The following RMDN2 variants were observed in gnomAD, a reference collection of about 807,000 sequenced individuals.
RMDN2 encodes the protein regulator of microtubule dynamics protein 2.
RMDN2 carries 61 observed loss-of-function variants against 52.8 expected under a neutral mutation model. The ratio of observed to expected loss-of-function variants is 1.16; its 90% confidence interval spans 0.94 to 1.43. The LOEUF is 1.43. Among genes scored for constraint, RMDN2 ranks in the 40% most tolerant of loss-of-function variants. The pLI is 0.00. For missense variants in RMDN2, 592 were observed against 475.3 expected, an observed-to-expected ratio of 1.25 and a Z score of -2.28; for synonymous variants, 180 against 153.1, an observed-to-expected ratio of 1.18 and a Z score of -1.30.
At chr2:38,061,600 C>G (rs1682052708) in intron 10 of RMDN2, among the ~76,000 whole-genome samples, 1 of 151,640 alleles carries the variant, frequency 6.6e-6, no homozygotes, top group East Asian at 2.0e-4. Context: ...GCTTCCCTGA[C>G]TACTCATTCT....
Position 38,039,047 on chromosome 2 carries a change from TACACACACACACACAC to T in RMDN2, c.1714-27903_1714-27888del, listed in dbSNP as rs71414270. Among the ~76,000 whole-genome samples, 812 of 127,344 alleles carry T rather than the reference TACACACACACACACAC, an allele frequency of 6.4e-3. 34 individuals are homozygous for T. The East Asian group carries it at 0.11, about 17-fold the overall frequency. The allele number at this position is 127,344 out of a possible 152,430, so 83.5% of individuals were successfully genotyped here. On this transcript the variant is annotated intron_variant, in intron 10 of 10. Coordinates refer to the RMDN2 transcript ENST00000234195. ...GCAACAGTTTAAAAGCCAGATGCTA[TACACACACACACACAC>T]ACACACACACACACACACACACACA...
At chr2:37,930,900 G>A (rs1666681061) in intron 2 of RMDN2, among the ~76,000 whole-genome samples, 1 of 152,170 alleles carries the variant, frequency 6.6e-6, no homozygotes, top group Non-Finnish European at 1.5e-5. Flanking sequence ...GAGGACAAAG[G>A]GGCACAGTGG....
chr2:38,022,523 A>G (rs1679468683), downstream of RMDN2, among the ~76,000 whole-genome samples: 1 of 152,248 alleles, frequency 6.6e-6, no homozygotes, highest in South Asian at 2.1e-4. Flanking sequence ...TTCGTGTACA[A>G]CTTTGGAAAG....
At chr2:38,009,019 G>A (rs1345216421) in intron 10 of RMDN2, among the ~76,000 whole-genome samples, 1 of 152,206 alleles carries the variant, frequency 6.6e-6, no homozygotes, top group Non-Finnish European at 1.5e-5. Flanking sequence ...CTTTAAGAAT[G>A]TGGAATATTG....
intron 10 of RMDN2, among the ~76,000 whole-genome samples, chr2:38,059,941 A>C (rs1681976516): frequency 6.6e-6 from 1 of 152,012 alleles, no homozygotes; most frequent in Admixed American, 6.6e-5. Flanking sequence ...TCTGTCACCC[A>C]GGCTGGAGTG....
At chr2:37,985,056 T>C (rs1437538064) in intron 5 of RMDN2, among the ~76,000 whole-genome samples, 1 of 152,142 alleles carries the variant, frequency 6.6e-6, no homozygotes, top group African/African-American at 2.4e-5. Flanking sequence ...AATGTAACTC[T>C]AGGGGCAGAT....
In RMDN2 at chr2:37,952,484, C is replaced by G. The variant is rs150299738; in HGVS notation, c.453-21556C>G. ...GGGCTAATCTCAGATTTCTGAGTGA[C>G]TATTATAATACTTTTGTGGTCTGAA... On this transcript the variant is annotated intron_variant, in intron 2 of 10. Transcript: ENST00000354545. 7 of 474,812 alleles carry G rather than the reference C, an allele frequency of 1.5e-5. No homozygotes were observed. In the East Asian group the frequency reaches 2.1e-4, roughly 14 times the overall value. The allele number at this position is 474,812 out of a possible 1,614,324, so 29.4% of individuals were successfully genotyped here.
intron 10 of RMDN2, among the ~76,000 whole-genome samples, chr2:38,037,218 G>A (rs111348325): frequency 4.7e-4 from 72 of 152,262 alleles, no homozygotes; most frequent in African/African-American, 1.7e-3. Context: ...ATTTTGTAAG[G>A]AAGATCAAAT....
chr2:37,999,395 C>G (rs1676011878), intron 8 of RMDN2, among the ~76,000 whole-genome samples: 1 of 152,090 alleles, frequency 6.6e-6, no homozygotes, highest in African/African-American at 2.4e-5. Context: ...CCAGTAAGTC[C>G]TCAGCAAAAA....
intron 10 of RMDN2, among the ~76,000 whole-genome samples, chr2:38,047,089 T>A (rs773306676): frequency 1.3e-5 from 2 of 152,010 alleles, no homozygotes; most frequent in Non-Finnish European, 2.9e-5. Context: ...CCAACAAAGC[T>A]GTCCTTCAAA....
intron 2 of RMDN2, among the ~76,000 whole-genome samples, chr2:37,954,957 T>G (rs971514395): frequency 2.0e-5 from 3 of 152,184 alleles, no homozygotes; most frequent in African/African-American, 7.2e-5. Context: ...TTTGATGCAA[T>G]TATAAGTGAA....
chr2:37,924,317 C>G (rs1001278442), upstream of RMDN2, among the ~76,000 whole-genome samples: 1 of 152,310 alleles, frequency 6.6e-6, no homozygotes, highest in Admixed American at 6.5e-5. Context: ...GTTATGCAAA[C>G]CTAAGCTTGA....
intron 5 of RMDN2, among the ~76,000 whole-genome samples, chr2:37,981,759 T>C (rs1178960091): frequency 1.3e-5 from 2 of 152,186 alleles, no homozygotes; most frequent in African/African-American, 4.8e-5. Context: ...AAAAGCCATT[T>C]ATGATATTAA....
intron 10 of RMDN2, chr2:38,028,314 C>T (rs1254428798): frequency 6.6e-6 from 1 of 152,100 alleles, no homozygotes; most frequent in African/African-American, 2.4e-5. Context: ...ATTATCACGT[C>T]CAGAAAAATA....
rs1678936333 is a variant in RMDN2, at chr2:38,017,282, A to G, written c.*43A>G. 1 of 1,479,274 alleles carries G rather than the reference A, an allele frequency of 6.8e-7. No individual in the cohort carries two copies. Among genetic ancestry groups the G allele is most frequent in the Non-Finnish European group, 9.0e-7 (1 of 1,112,316 alleles). The allele number at this position is 1,479,274 out of a possible 1,614,324, so 91.6% of individuals were successfully genotyped here. The stretch of plus-strand genomic sequence containing the variant: ...TCAACAAATCAGATGTGGTCTACCA[A>G]AATTTAAATGAATCAAAGTTGTGCT... On this transcript the variant is annotated 3_prime_UTR_variant, in exon 11 of 11. Transcript: ENST00000354545.
chr2:38,067,080 G>T lies in RMDN2; in HGVS notation c.*90G>T, dbSNP rs374252693. On this transcript the variant is annotated 3_prime_UTR_variant, in exon 11 of 11. Transcript: ENST00000234195. ...CCTGGAGAGTCATGACCTAGGCCCT[G>T]TGAAGTCAAGTATTTTTACCAAGTA... 55 of 1,221,464 alleles carry T rather than the reference G, an allele frequency of 4.5e-5. 1 individual carries two copies. In the African/African-American group the frequency reaches 5.7e-4, roughly 13 times the overall value. 75.7% of individuals were successfully genotyped at this position (1,221,464 alleles called of 1,614,324 possible).
chr2:37,990,971 T>A (rs1001862467), intron 6 of RMDN2, among the ~76,000 whole-genome samples: 3 of 152,210 alleles, frequency 2.0e-5, no homozygotes, highest in Non-Finnish European at 2.9e-5. Flanking sequence ...TGTTTTCAAT[T>A]TTTATAACAG....
At chr2:37,980,704 T>C (rs566689529) in intron 4 of RMDN2, among the ~76,000 whole-genome samples, 1 of 152,196 alleles carries the variant, frequency 6.6e-6, no homozygotes, top group East Asian at 1.9e-4. Flanking sequence ...TGTGAATGAT[T>C]AGGCAAGAAC....
chr2:37,944,290 G>GT (rs1398008762), intron 2 of RMDN2, among the ~76,000 whole-genome samples: 2 of 147,076 alleles, frequency 1.4e-5, no homozygotes, highest in Non-Finnish European at 3.0e-5. Flanking sequence ...AACAGGTGAT[G>GT]TATTTCTCAT....
Sources: gnomAD v4.1 joint callset for allele counts (sites outside exome capture counted in the v4.1 genomes callset) on GRCh38, gnomAD v4.1.1 for gene constraint, MANE v1.5 for transcripts, NCBI Gene and HGNC (gene_info 2026-07-23, HGNC 2026-07-21) for gene names.